Variants in CCDC171 observed in about 807,000 individuals in gnomAD.
CCDC171 encodes coiled-coil domain containing 171, also known as coiled-coil domain-containing protein 171.
Under a neutral mutation model 168.2 loss-of-function variants are expected in CCDC171, and 177 were observed. The ratio of observed to expected loss-of-function variants is 1.05; its 90% CI spans 0.93 to 1.19. The LOEUF is 1.19. Ranked by LOEUF, CCDC171 falls within the 50% of genes most tolerant of loss-of-function variation. CCDC171 has a pLI of 0.00. For synonymous variants in CCDC171, 687 were observed against 540.8 expected, an observed-to-expected ratio of 1.27 and a Z score of -3.75; for missense variants, 1,991 against 1,539.0, an observed-to-expected ratio of 1.29 and a Z score of -4.91.
At chr9:15,655,726 C>T (rs1309075896) in intron 7 of CCDC171, among the ~76,000 whole-genome samples, 1 of 152,056 alleles carries the variant, frequency 6.6e-6, no homozygotes, top group Non-Finnish European at 1.5e-5. Flanking sequence ...AAATAAACAG[C>T]TCAATTAAAA....
At position 15,920,310 on chromosome 9, in the gene CCDC171, G is replaced by A; in HGVS notation, c.3641G>A (p.Ser1214Asn). 5 of 1,605,278 alleles carry A rather than the reference G, an allele frequency of 3.1e-6. No homozygotes were observed. The highest frequency in any genetic ancestry group is 4.3e-6 in the Non-Finnish European group (5 of 1,174,484). Residue 1214 changes from serine (S) to asparagine (N), a missense_variant, in exon 25 of 26, where the codon AGC (serine) becomes AAC (asparagine). Physicochemically the swap from Ser to Asn is conservative, Grantham distance 46. Coordinates refer to ENST00000380701, the MANE Select transcript of CCDC171 (RefSeq NM_173550.4). Reference sequence around the variant, plus strand: ...TTCATGGATGTCTACCAGCTTGCAAGCACTAGAATCATGACATTAGAGAAG... The same window carrying A: ...TTCATGGATGTCTACCAGCTTGCAAACACTAGAATCATGACATTAGAGAAG... The part of the protein sequence containing the change: ...KSFMDVYQLA[S>N]TRIMTLEKEM...
At chr9:15,904,145 G>A (rs1822145477) in intron 24 of CCDC171, among the ~76,000 whole-genome samples, 1 of 152,104 alleles carries the variant, frequency 6.6e-6, no homozygotes, top group Non-Finnish European at 1.5e-5. Flanking sequence ...AGCAAGACAG[G>A]CCAACATTCA....
At chr9:15,907,010 T>C (rs1279611915) in intron 24 of CCDC171, among the ~76,000 whole-genome samples, 1 of 152,040 alleles carries the variant, frequency 6.6e-6, no homozygotes, top group Non-Finnish European at 1.5e-5. Context: ...TAAAAGAGGA[T>C]ACAAGCAAAT....
chr9:15,635,460 T>C (rs1383247927), intron 7 of CCDC171, among the ~76,000 whole-genome samples: 1 of 152,122 alleles, frequency 6.6e-6, no homozygotes, highest in Non-Finnish European at 1.5e-5. Flanking sequence ...GCAGGAAGCA[T>C]CCAGCACAGA....
chr9:15,771,867 T>C (rs1158432080), intron 18 of CCDC171, among the ~76,000 whole-genome samples: 1 of 152,154 alleles, frequency 6.6e-6, no homozygotes, highest in African/African-American at 2.4e-5. Context: ...AGAGGCTGTC[T>C]CTGTTGCCCA....
rs538112418 is a variant in CCDC171 at position 16,009,833 on chromosome 9, T to C, written n.369-10756T>C. 2.0e-5 allele frequency among the ~76,000 whole-genome samples: 3 copies of C among 152,266 alleles called. No individual in the cohort carries two copies. The South Asian group carries it at 6.2e-4, about 32-fold the overall frequency. On this transcript the variant is annotated intron_variant and non_coding_transcript_variant, in intron 3 of 9. Coordinates refer to the CCDC171 transcript ENST00000486641. ...TATTTTATTTGAGCTGCTATAAAAA[T>C]AAATTTGAGGAAAAAAATAAATCTT...
intron 21 of CCDC171, among the ~76,000 whole-genome samples, chr9:15,830,842 T>C (rs1014545539): frequency 1.3e-5 from 2 of 152,138 alleles, no homozygotes; most frequent in East Asian, 3.8e-4. Context: ...TATTTAGAAA[T>C]TGAACATAGA....
the CCDC171 span, among the ~76,000 whole-genome samples, chr9:16,088,890 C>A: frequency 1.2e-4 from 19 of 152,066 alleles, no homozygotes; most frequent in Admixed American, 5.9e-4. Context: ...CAAAACAGAG[C>A]CCGTATAGCC....
intron 25 of CCDC171, among the ~76,000 whole-genome samples, chr9:15,937,027 G>A (rs1373600048): frequency 2.0e-5 from 3 of 151,986 alleles, no homozygotes; most frequent in Non-Finnish European, 4.4e-5. Context: ...TCAAGAACAA[G>A]GAAGTGCTGT....
chr9:16,067,770 T>C, the CCDC171 span, among the ~76,000 whole-genome samples: 2 of 152,186 alleles, frequency 1.3e-5, no homozygotes, highest in African/African-American at 4.8e-5. Flanking sequence ...ATCAGATAGT[T>C]GTAGATATGC....
At chr9:15,925,576 C>A (rs1367632262) in intron 25 of CCDC171, among the ~76,000 whole-genome samples, 1 of 151,510 alleles carries the variant, frequency 6.6e-6, no homozygotes, top group Non-Finnish European at 1.5e-5. Flanking sequence ...ACTTTGGCTA[C>A]AGTGTGAGGA....
At chr9:15,822,493 AAAC>A (rs2059822387) in intron 21 of CCDC171, among the ~76,000 whole-genome samples, 1 of 152,198 alleles carries the variant, frequency 6.6e-6, no homozygotes, top group African/African-American at 2.4e-5. Context: ...ACAAGAAAAA[AAAC>A]AAACACCCAC....
intron 24 of CCDC171, among the ~76,000 whole-genome samples, chr9:15,896,566 C>A (rs1820925558): frequency 6.6e-6 from 1 of 152,070 alleles, no homozygotes; most frequent in Non-Finnish European, 1.5e-5. Flanking sequence ...AGCATCACAT[C>A]AAGTCAGTTT....
chr9:15,985,014 CA>C (rs1349822995), intron 3 of CCDC171, among the ~76,000 whole-genome samples: 1 of 152,058 alleles, frequency 6.6e-6, no homozygotes, highest in East Asian at 1.9e-4. Flanking sequence ...GAAAAGGCAT[CA>C]AACATATCTA....
At chr9:15,590,843 CTTTCTTTCTTTT>C (rs1485084816) in intron 4 of CCDC171, among the ~76,000 whole-genome samples, 1 of 110,400 alleles carries the variant, frequency 9.1e-6, no homozygotes, top group African/African-American at 3.4e-5. Flanking sequence ...CTTCTTCTTT[CTTTCTTTCTTTT>C]TTCTTTCTTT....
chr9:15,739,769 A>G (rs1964706), intron 16 of CCDC171, among the ~76,000 whole-genome samples: 143,668 of 151,472 alleles, frequency 0.95, 68,174 homozygotes, highest in East Asian at 1. Context: ...ACCAAGTCTC[A>G]CTCTGTCGCC....
At chr9:15,904,362 G>T (rs1822190948) in intron 24 of CCDC171, among the ~76,000 whole-genome samples, 1 of 152,110 alleles carries the variant, frequency 6.6e-6, no homozygotes. Flanking sequence ...AGACAGTGGG[G>T]GCTAATATTC....
In CCDC171 at chr9:15,666,203, A is replaced by C. The variant is rs747881762; in HGVS notation, c.956A>C (p.Lys319Thr). 6.2e-7 allele frequency: 1 copy of C among 1,613,836 alleles called. No individual in the cohort carries two copies. The highest frequency in any genetic ancestry group is 8.5e-7 in the Non-Finnish European group (1 of 1,179,856). The change falls in exon 9 of 26, where the codon AAG becomes ACG. Residue 319 changes from lysine to threonine, a missense_variant. By Grantham distance (78) the Lys-to-Thr change is moderately conservative. Coordinates refer to ENST00000380701, the MANE Select transcript of CCDC171 (RefSeq NM_173550.4). ...CTTGAAGGAGCTTTGCAAGTAGAGA[A>C]GGCCAGTCAAGCAGAAGCTGTTGCT... ...RDLEGALQVE[K>T]ASQAEAVADL...
chr9:15,888,132 T>G (rs1238690562), intron 24 of CCDC171: 1 of 152,204 alleles, frequency 6.6e-6, no homozygotes, highest in Non-Finnish European at 1.5e-5. Context: ...CTGAACAACA[T>G]GTTTCTTTTC....
Sources: gnomAD v4.1 joint callset for allele counts (sites outside exome capture counted in the v4.1 genomes callset) on GRCh38, gnomAD v4.1.1 for gene constraint, MANE v1.5 for transcripts, NCBI Gene and HGNC (gene_info 2026-07-23, HGNC 2026-07-21) for gene names.